Variants in LAMB3 observed in about 807,000 individuals in gnomAD.
The protein encoded by LAMB3 is laminin subunit beta 3.
LAMB3 carries 104 observed loss-of-function variants against 140.3 expected under a neutral mutation model. That is an observed-to-expected ratio of 0.74 (90% CI 0.63 to 0.87). LAMB3 has a LOEUF of 0.87. Among genes scored for constraint, LAMB3 ranks in the 40% least tolerant of loss-of-function variants. LAMB3 has a pLI of 0.00. For synonymous variants in LAMB3, 592 were observed against 602.9 expected (o/e 0.98, Z 0.26); for missense variants, 1,531 against 1,575.2 (o/e 0.97, Z 0.47).
rs1419074039 is a variant in LAMB3, at chr1:209,634,374, C to T, written c.564+73G>A. 15 of 1,474,792 alleles carry T rather than the reference C, an allele frequency of 1.0e-5. No individual in the cohort carries two copies. In the South Asian group the frequency reaches 1.0e-4, roughly 10 times the overall value. The allele number at this position is 1,474,792 out of a possible 1,614,324, so 91.4% of individuals were successfully genotyped here. On this transcript the variant is annotated intron_variant, in intron 6 of 22. Transcript: ENST00000356082. ...GTGTTTCCGTCCCTTCTCAGGAGTC[C>T]GTGTGGCTGTGTGAACAGTGGGACA...
At chr1:209,652,021 C>T (rs1160126911) in intron 1 of LAMB3, among the ~76,000 whole-genome samples, 1 of 152,070 alleles carries the variant, frequency 6.6e-6, no homozygotes, top group African/African-American at 2.4e-5. Context: ...CTAACGATGG[C>T]CTAAGAGAGA....
At chr1:209,637,600 A>G (rs1359907922) in intron 5 of LAMB3, among the ~76,000 whole-genome samples, 1 of 152,174 alleles carries the variant, frequency 6.6e-6, no homozygotes. Context: ...GTATACCAAG[A>G]ATACACAACT....
At chr1:209,640,565 A>C (rs1221339863) in intron 3 of LAMB3, among the ~76,000 whole-genome samples, 1 of 151,418 alleles carries the variant, frequency 6.6e-6, no homozygotes, top group Non-Finnish European at 1.5e-5. Context: ...AAAAAGTAAT[A>C]AAATAAAATA....
At chr1:209,624,949 G>T (rs1022634075) in intron 14 of LAMB3, among the ~76,000 whole-genome samples, 1 of 147,066 alleles carries the variant, frequency 6.8e-6, no homozygotes, top group African/African-American at 2.5e-5. Flanking sequence ...AAAAGGGAAG[G>T]AAGGAAGGAA....
intron 13 of LAMB3, 40 bp downstream of exon 13, chr1:209,626,827 C>G: frequency 6.6e-7 from 1 of 1,512,132 alleles, no homozygotes; most frequent in Non-Finnish European, 9.2e-7. Context: ...GCGTGCTCGG[C>G]CCCCAGAGCC....
chr1:209,631,633 C>T (rs1329346110), intron 8 of LAMB3, among the ~76,000 whole-genome samples: 1 of 152,210 alleles, frequency 6.6e-6, no homozygotes. Flanking sequence ...GATTCCACTG[C>T]ATGGCCAGAT....
At chr1:209,632,473 A>T in intron 8 of LAMB3, 110 bp downstream of exon 8, 1 of 825,198 alleles carries the variant, frequency 1.2e-6, no homozygotes, top group Non-Finnish European at 2.0e-6. Context: ...AGTATTAAAT[A>T]CCCAAGTCTT....
chr1:209,621,264 T>C (rs1256643654), intron 18 of LAMB3, among the ~76,000 whole-genome samples: 2 of 152,202 alleles, frequency 1.3e-5, no homozygotes, highest in African/African-American at 4.8e-5. Flanking sequence ...TCCATGAGCC[T>C]AAGCCCCACA....
intron 14 of LAMB3, among the ~76,000 whole-genome samples, chr1:209,624,937 A>AGGAG (rs1558152750): frequency 2.8e-5 from 4 of 142,630 alleles, no homozygotes; most frequent in Non-Finnish European, 6.2e-5. Flanking sequence ...GAAGGAAGGA[A>AGGAG]AAAAAGGGAA....
At chr1:209,636,243 A>G (rs1433927230) in intron 5 of LAMB3, among the ~76,000 whole-genome samples, 2 of 152,202 alleles carry the variant, frequency 1.3e-5, no homozygotes, top group Non-Finnish European at 2.9e-5. Flanking sequence ...AGTTGGAGAA[A>G]TCTTAGTCCT....
chr1:209,618,233 A>C (rs192350494), intron 19 of LAMB3, among the ~76,000 whole-genome samples, 185 bp from the exon 20 acceptor site: 2 of 152,352 alleles, frequency 1.3e-5, no homozygotes, highest in Admixed American at 6.5e-5. Flanking sequence ...GAATGTTCCC[A>C]TTATGCCCAA....
chr1:209,615,000 A>G lies in LAMB3; in HGVS notation c.*271T>C. ...CAGTGGAGAACTAAAGGCGGGGGATACTGCCCAGCCCAGCTTCCTTGACTT... is the reference window on the plus strand; with the variant it reads ...CAGTGGAGAACTAAAGGCGGGGGATGCTGCCCAGCCCAGCTTCCTTGACTT... On this transcript the variant is annotated 3_prime_UTR_variant, in exon 23 of 23. Transcript: ENST00000356082. 2.2e-6 allele frequency: 1 copy of G among 449,612 alleles called. No homozygotes were observed. The highest frequency in any genetic ancestry group is 4.0e-6 in the Non-Finnish European group (1 of 250,836). 27.9% of individuals were successfully genotyped at this position (449,612 alleles called of 1,614,324 possible).
In LAMB3 at chr1:209,630,656, G is replaced by A. The variant is rs577878087; in HGVS notation, c.902C>T (p.Pro301Leu). 6.2e-7 allele frequency: 1 copy of A among 1,614,098 alleles called. No homozygotes were observed. The change falls in exon 9 of 23, where the codon CCC (proline) becomes CTC (leucine). Residue 301 changes from proline (P) to leucine (L), a missense_variant. By Grantham distance (98) the Pro-to-Leu change is moderately conservative. Transcript: ENST00000356082. The stretch of plus-strand genomic sequence containing the variant: ...GTCCTGGCCCTCCGCCGGTCTCCAG[G>A]GCCGGTTGTTGTAGAAGGGTGCACA... ...ERCAPFYNNRPWRPAEGQDAH... is the reference protein window; with the variant it reads ...ERCAPFYNNRLWRPAEGQDAH...
intron 20 of LAMB3, 30 bp from the exon 21 acceptor site, chr1:209,617,616 G>C: frequency 6.2e-7 from 1 of 1,612,376 alleles, no homozygotes; most frequent in Non-Finnish European, 8.5e-7. Flanking sequence ...TCTGGCCTTT[G>C]TGGTGGGTCT....
At chr1:209,634,334 G>C (rs1224321905) in intron 6 of LAMB3, 113 bp downstream of exon 6, 1 of 1,088,326 alleles carries the variant, frequency 9.2e-7, no homozygotes, top group African/African-American at 1.6e-5. Flanking sequence ...AAGTCAGCAA[G>C]GGGAGCTGGC....
Position 209,615,350 on chromosome 1 carries a change from A to G in LAMB3, c.3440T>C (p.Leu1147Pro), listed in dbSNP as rs752051425. The change falls in exon 23 of 23, where the codon CTG (leucine) becomes CCG (proline). Residue 1147 changes from leucine (L) to proline (P), a missense_variant. Coordinates refer to ENST00000356082, the MANE Select transcript of LAMB3 (RefSeq NM_000228.3). ...CTCCACACGCTTCTCCAGTCCTGTC[A>G]GGTCCGCTGAGCGCAGCATGATGGC... is the stretch of plus-strand genomic sequence containing the variant. ...SQAIMLRSADLTGLEKRVEQI... is the reference protein window; with the variant it reads ...SQAIMLRSADPTGLEKRVEQI... 13 of 1,613,596 alleles carry G rather than the reference A, an allele frequency of 8.1e-6. No homozygotes were observed. The highest frequency in any genetic ancestry group is 1.7e-6 in the Non-Finnish European group (2 of 1,179,784).
intron 18 of LAMB3, among the ~76,000 whole-genome samples, chr1:209,621,746 CT>C (rs1206192817): frequency 6.6e-6 from 1 of 152,196 alleles, no homozygotes; most frequent in Non-Finnish European, 1.5e-5. Context: ...GTTTAGGGAT[CT>C]TTCCATTGTA....
In LAMB3 at chr1:209,627,533, G is replaced by C. The variant is rs374430633; in HGVS notation, c.1335C>G (p.Asp445Glu). Residue 445 changes from aspartate to glutamate, a missense_variant, in exon 12 of 23, where the codon GAC becomes GAG. Transcript: ENST00000356082. ...ILGSRRDMPC[D>E]EESGRCLCLP... ...GACAAAGGCAGCGCCCACTCTCCTC[G>C]TCACACGGCATGTCCCTCCGGGACC... 1.2e-6 allele frequency: 2 copies of C among 1,614,048 alleles called. No individual in the cohort carries two copies. Among genetic ancestry groups the C allele is most frequent in the South Asian group, 2.2e-5 (2 of 91,084 alleles).
At chr1:209,625,228 G>A (rs549645738) in intron 14 of LAMB3, among the ~76,000 whole-genome samples, 1 of 152,194 alleles carries the variant, frequency 6.6e-6, no homozygotes, top group African/African-American at 2.4e-5. Context: ...ACCTCTGCTG[G>A]TGGGATGGGG....
Sources: allele counts gnomAD v4.1 joint callset (sites outside exome capture counted in the v4.1 genomes callset), GRCh38; gene constraint gnomAD v4.1.1; transcripts MANE v1.5; gene names NCBI Gene and HGNC (gene_info 2026-07-23, HGNC 2026-07-21).